The following MACF1 variants were observed in gnomAD, a reference collection of about 807,000 sequenced individuals.
The protein encoded by MACF1 is microtubule actin crosslinking factor 1, also known as microtubule-actin cross-linking factor 1.
MACF1 carries 193 observed loss-of-function variants against 854.8 expected under a neutral mutation model. The ratio of observed to expected loss-of-function variants is 0.23; its 90% CI spans 0.20 to 0.25. The LOEUF (loss-of-function observed/expected upper bound fraction) is 0.25. Ranked by LOEUF, MACF1 falls within the 10% of genes least tolerant of loss-of-function variation. MACF1 has a pLI of 1.00. For synonymous variants in MACF1, 3,185 were observed against 3,226.7 expected (o/e 0.99, Z 0.44); for missense variants, 7,722 against 8,929.1 (o/e 0.86, Z 5.45).
chr1:39,111,130 T>G (rs1642392268), intron 2 of MACF1, among the ~76,000 whole-genome samples: 1 of 152,302 alleles, frequency 6.6e-6, no homozygotes, highest in South Asian at 2.1e-4. Context: ...AGTTGAAGCC[T>G]CTCTCGTCTG....
chr1:39,381,356 C>CTTTT (rs869060742), intron 55 of MACF1, among the ~76,000 whole-genome samples: 4 of 36,796 alleles, frequency 1.1e-4, no homozygotes, highest in South Asian at 8.8e-4. Context: ...CATGCCTGGC[C>CTTTT]TTTTTTTTTT....
intron 84 of MACF1, 103 bp from the exon 85 acceptor site, chr1:39,450,949 C>T: frequency 1.6e-6 from 2 of 1,281,618 alleles, no homozygotes; most frequent in South Asian, 2.8e-5. Context: ...AGAAGTCACT[C>T]TCTATATAGG....
intron 94 of MACF1, chr1:39,464,514 T>C (rs1644621271): frequency 6.5e-6 from 1 of 154,310 alleles, no homozygotes; most frequent in Admixed American, 6.4e-5. Context: ...TTATGCCTGC[T>C]TGTTGGATTT....
intron 2 of MACF1, among the ~76,000 whole-genome samples, chr1:39,087,560 C>T (rs1412677920): frequency 1.3e-5 from 2 of 152,230 alleles, no homozygotes; most frequent in African/African-American, 2.4e-5. Flanking sequence ...GCCATATTCT[C>T]AACTCCCTAA....
intron 2 of MACF1, among the ~76,000 whole-genome samples, chr1:39,109,994 T>TA (rs1199100678): frequency 6.6e-6 from 1 of 152,032 alleles, no homozygotes; most frequent in Non-Finnish European, 1.5e-5. Context: ...TTACGATATA[T>TA]AAATCACATT....
At chr1:39,261,264 C>G (rs907051239) in intron 6 of MACF1, among the ~76,000 whole-genome samples, 33 of 151,972 alleles carry the variant, frequency 2.2e-4, no homozygotes, top group African/African-American at 8.0e-4. Context: ...TTTAAAACAC[C>G]TTTTTGGTTA....
chr1:39,440,869 T>G lies in MACF1; in HGVS notation c.18448-134T>G. On this transcript the variant is annotated intron_variant, in intron 72 of 100. Transcript: ENST00000564288. ...AAATAACCATGTAGAGTCTGAAGCTTTAGTGTCCAGATAAGTGAAACTGAC... is the reference window on the plus strand; with the variant it reads ...AAATAACCATGTAGAGTCTGAAGCTGTAGTGTCCAGATAAGTGAAACTGAC... 3 of 751,272 alleles carry G rather than the reference T, an allele frequency of 4.0e-6. No individual in the cohort carries two copies. In the South Asian group the frequency reaches 5.4e-5, roughly 13 times the overall value. 46.5% of individuals were successfully genotyped at this position (751,272 alleles called of 1,614,324 possible). A position where few individuals can be genotyped will look rare whatever the true frequency, so the allele number is the denominator to read the frequency against.
In MACF1 at chr1:39,361,403, C is replaced by T; in HGVS notation, c.12497C>T (p.Ala4166Val). Reference protein sequence around the residue: ...DIARQKSSLEATREMVTRFME... With the variant: ...DIARQKSSLEVTREMVTRFME... ...GCTCGGCAAAAGAGCAGCTTGGAGG[C>T]CACCCGTGAGATGGTGACCCGATTC... The change falls in exon 49 of 101, where the codon GCC (alanine) becomes GTC (valine). Residue 4166 changes from alanine (A) to valine (V), a missense_variant. Coordinates refer to ENST00000564288, the MANE Select transcript of MACF1 (RefSeq NM_001394062.1). 6.2e-7 allele frequency: 1 copy of T among 1,613,984 alleles called. No homozygotes were observed. Among genetic ancestry groups the T allele is most frequent in the Non-Finnish European group, 8.5e-7 (1 of 1,179,974 alleles).
At chr1:39,203,455 T>C (rs1176746722), upstream of MACF1, among the ~76,000 whole-genome samples, 1 of 152,216 alleles carries the variant, frequency 6.6e-6, no homozygotes, top group East Asian at 1.9e-4. Context: ...TCCTCCTGCC[T>C]CAGCCTCCTG....
chr1:39,358,501 G>C (rs905141094), intron 45 of MACF1, among the ~76,000 whole-genome samples, 196 bp from the exon 46 acceptor site: 1 of 152,176 alleles, frequency 6.6e-6, no homozygotes, highest in African/African-American at 2.4e-5. Flanking sequence ...AGAAGGTCAA[G>C]GTGAATAGTA....
intron 2 of MACF1, chr1:39,121,189 TC>T (rs1483354620): frequency 2.0e-5 from 3 of 152,198 alleles, no homozygotes; most frequent in African/African-American, 7.2e-5. Context: ...TCACTCTTGT[TC>T]CCCATAAGGA....
chr1:39,198,691 G>A (rs113051830), intron 2 of MACF1, among the ~76,000 whole-genome samples: 1 of 151,540 alleles, frequency 6.6e-6, no homozygotes, highest in Non-Finnish European at 1.5e-5. Context: ...TGGGCGTGGT[G>A]GCACACACCT....
chr1:39,320,962 T>C (rs945265470), intron 31 of MACF1, among the ~76,000 whole-genome samples: 8 of 152,150 alleles, frequency 5.3e-5, no homozygotes, highest in African/African-American at 1.9e-4. Context: ...AGAAAGACTG[T>C]GTCTCCAAAA....
chr1:39,349,679 C>A, intron 42 of MACF1, 52 bp downstream of exon 42: 7 of 1,588,504 alleles, frequency 4.4e-6, no homozygotes, highest in Non-Finnish European at 5.2e-6. Context: ...ATCGCTTAGG[C>A]TGGAGTACAG....
intron 71 of MACF1, among the ~76,000 whole-genome samples, chr1:39,438,510 C>T (rs561877153): frequency 5.3e-5 from 8 of 152,314 alleles, no homozygotes; most frequent in South Asian, 2.1e-4. Flanking sequence ...CGGAGCCACC[C>T]GCAGTGGCTC....
chr1:39,429,271 G>C lies in MACF1; in HGVS notation c.16833G>C (p.Lys5611Asn). Residue 5611 changes from lysine to asparagine, a missense_variant, in exon 64 of 101, where the codon AAG (lysine) becomes AAC (asparagine). Lys to Asn is a moderately conservative substitution (Grantham distance 94). This residue lies in a region of MACF1 where 2,807 missense variants were observed against 3,235.8 expected (regional missense o/e 0.87). Coordinates refer to ENST00000564288, the MANE Select transcript of MACF1 (RefSeq NM_001394062.1). Reference sequence around the variant, plus strand: ...TAAATGAAGAAATTGTTAATAGAAAGAAGAATGTAGATCAAGCTATTAAAA... The same window carrying C: ...TAAATGAAGAAATTGTTAATAGAAACAAGAATGTAGATCAAGCTATTAAAA... The part of the protein sequence containing the change: ...LALNEEIVNR[K>N]KNVDQAIKNG... 1 of 1,576,154 alleles carries C rather than the reference G, an allele frequency of 6.3e-7. No individual in the cohort carries two copies. Among genetic ancestry groups the C allele is most frequent in the South Asian group, 1.1e-5 (1 of 89,886 alleles).
intron 6 of MACF1, among the ~76,000 whole-genome samples, chr1:39,272,422 G>A (rs1645342269): frequency 6.6e-6 from 1 of 152,230 alleles, no homozygotes; most frequent in Non-Finnish European, 1.5e-5. Context: ...AGCTGGGAGG[G>A]CAAGGGTCAG....
intron 50 of MACF1, 53 bp from the exon 51 acceptor site, chr1:39,369,977 A>G: frequency 6.5e-7 from 1 of 1,544,734 alleles, no homozygotes; most frequent in Non-Finnish European, 8.8e-7. Flanking sequence ...TCTTAGCTCA[A>G]GTTGACTTTA....
At chr1:39,223,066 A>G (rs1479032696) in intron 1 of MACF1, among the ~76,000 whole-genome samples, 1 of 152,210 alleles carries the variant, frequency 6.6e-6, no homozygotes, top group East Asian at 1.9e-4. Flanking sequence ...TAGTGTGTGT[A>G]AGAGATGGGA....
Sources: gnomAD v4.1 joint callset for allele counts (sites outside exome capture counted in the v4.1 genomes callset) on GRCh38, gnomAD v4.1.1 for gene constraint, gnomAD v4.1.1 regional missense constraint, MANE v1.5 for transcripts, NCBI Gene and HGNC (gene_info 2026-07-23, HGNC 2026-07-21) for gene names.